INTS14: variants seen among roughly 807,000 people sequenced by gnomAD.
The protein encoded by INTS14 is integrator complex subunit 14, also known as UPF0464 protein C15orf44.
INTS14 carries 27 observed loss-of-function variants against 56.9 expected under a neutral mutation model. The observed-to-expected ratio is 0.47, with a 90% confidence interval of 0.35 to 0.65. The LOEUF (loss-of-function observed/expected upper bound fraction) is 0.65, where lower values mean the gene tolerates loss of function less well. Among genes scored for constraint, INTS14 ranks in the 30% least tolerant of loss-of-function variants. The probability of loss-of-function intolerance (pLI) is 0.00; values close to 1 mark genes in which losing one functional copy is unlikely to be tolerated. For missense variants in INTS14, 517 were observed against 632.2 expected, an observed-to-expected ratio of 0.82 and a Z score of 1.95; for synonymous variants, 207 against 236.2, an observed-to-expected ratio of 0.88 and a Z score of 1.13.
intron 10 of INTS14, among the ~76,000 whole-genome samples, chr15:65,584,338 T>C (rs555956490): frequency 6.6e-6 from 1 of 152,202 alleles, no homozygotes; most frequent in South Asian, 2.1e-4. Flanking sequence ...TTAAAGCCAA[T>C]ACCCATTATG....
intron 6 of INTS14, among the ~76,000 whole-genome samples, chr15:65,597,363 C>G (rs1288906817): frequency 1.3e-5 from 2 of 152,174 alleles, no homozygotes; most frequent in African/African-American, 4.8e-5. Flanking sequence ...TGCTGGACAT[C>G]AAGGCTGTAA....
At chr15:65,589,431 T>C (rs919563029) in intron 9 of INTS14, among the ~76,000 whole-genome samples, 1 of 152,200 alleles carries the variant, frequency 6.6e-6, no homozygotes, top group Admixed American at 6.5e-5. Context: ...GTACTGGGAT[T>C]ACAGGCATGA....
intron 3 of INTS14, among the ~76,000 whole-genome samples, chr15:65,600,561 CG>C (rs1422831928): frequency 6.6e-6 from 1 of 151,598 alleles, no homozygotes; most frequent in Non-Finnish European, 1.5e-5. Flanking sequence ...CCTGGGAAGT[CG>C]AGGCTACAGT....
intron 9 of INTS14, among the ~76,000 whole-genome samples, chr15:65,588,937 CATTATA>C (rs1377491577): frequency 6.6e-6 from 1 of 152,094 alleles, no homozygotes; most frequent in Admixed American, 6.6e-5. Flanking sequence ...AAGTTAAGTT[CATTATA>C]ATATTAGCTA....
At chr15:65,581,250 C>T (rs1238290271) in intron 11 of INTS14, among the ~76,000 whole-genome samples, 1 of 150,292 alleles carries the variant, frequency 6.7e-6, no homozygotes, top group East Asian at 1.9e-4. Context: ...CATGGTGGCA[C>T]ACACCTGTAA....
chr15:65,595,521 C>A (rs1325324449), intron 7 of INTS14, among the ~76,000 whole-genome samples: 1 of 152,216 alleles, frequency 6.6e-6, no homozygotes, highest in Non-Finnish European at 1.5e-5. Flanking sequence ...ATTCACAAAC[C>A]AACACACAGT....
At chr15:65,602,574 C>T (rs1429102833) in intron 3 of INTS14, among the ~76,000 whole-genome samples, 3 of 152,098 alleles carry the variant, frequency 2.0e-5, no homozygotes, top group East Asian at 1.9e-4. Context: ...CGTGAGCCGT[C>T]GCGCCTGGCC....
chr15:65,608,087 T>C (rs1165196812), intron 1 of INTS14, among the ~76,000 whole-genome samples: 1 of 152,138 alleles, frequency 6.6e-6, no homozygotes, highest in Non-Finnish European at 1.5e-5. Flanking sequence ...AATTAAAGAA[T>C]ATGTAAGGTC....
intron 10 of INTS14, among the ~76,000 whole-genome samples, chr15:65,583,521 G>A (rs2072704207): frequency 6.6e-6 from 1 of 152,148 alleles, no homozygotes; most frequent in African/African-American, 2.4e-5. Context: ...GGTTGCCAGG[G>A]CCCGGAAGAA....
chr15:65,608,566 T>C lies in INTS14; in HGVS notation c.-62-1124A>G, dbSNP rs2073740633. ...GGTATATAGCCTGCTGCTACTCTAT[T>C]ATTAAGCAAACTGTAGGCTACTGAC... On this transcript the variant is annotated intron_variant, in intron 1 of 11. Transcript: ENST00000313182. 2.6e-5 allele frequency among the ~76,000 whole-genome samples: 4 copies of C among 152,240 alleles called. No homozygotes were observed. The South Asian group carries it at 8.3e-4, about 32-fold the overall frequency.
rs1480083793 is a variant in INTS14, at chr15:65,599,003, A to G, written c.487-13T>C. ...CGGTGCTCTGGAGCTATAAAGCAAAACAGATGACCCTTAAAGTGGCTGGCA... is the reference window on the plus strand; with the variant it reads ...CGGTGCTCTGGAGCTATAAAGCAAAGCAGATGACCCTTAAAGTGGCTGGCA... On this transcript the variant is annotated splice_polypyrimidine_tract_variant and intron_variant, in intron 4 of 11. Coordinates refer to ENST00000313182, the MANE Select transcript of INTS14 (RefSeq NM_001394796.1). 6.2e-7 allele frequency: 1 copy of G among 1,603,536 alleles called. No individual in the cohort carries two copies. Among genetic ancestry groups the G allele is most frequent in the East Asian group, 2.2e-5 (1 of 44,732 alleles).
intron 8 of INTS14, 134 bp from the exon 9 acceptor site, chr15:65,591,865 G>T: frequency 1.1e-6 from 1 of 944,400 alleles, no homozygotes; most frequent in Non-Finnish European, 1.5e-6. Flanking sequence ...TTTTACCAAA[G>T]CCAAACCCTA....
rs979270260 is a variant in INTS14 at position 65,611,084 on chromosome 15, G to A, written c.-63+14C>T. On this transcript the variant is annotated intron_variant, in intron 1 of 11. Coordinates refer to ENST00000313182, the MANE Select transcript of INTS14 (RefSeq NM_001394796.1). Reference sequence around the variant, plus strand: ...AGCGAAAGGCAGTCCCGGGCCCTCGGCCTCCCCACTCACCCCGTGCCCATC... The same window carrying A: ...AGCGAAAGGCAGTCCCGGGCCCTCGACCTCCCCACTCACCCCGTGCCCATC... 6 of 1,535,704 alleles carry A rather than the reference G, an allele frequency of 3.9e-6. No individual in the cohort carries two copies. The highest frequency in any genetic ancestry group is 2.0e-5 in the Admixed American group (1 of 50,992).
intron 8 of INTS14, among the ~76,000 whole-genome samples, chr15:65,592,847 G>T (rs1197857533): frequency 6.6e-6 from 1 of 151,954 alleles, no homozygotes; most frequent in Non-Finnish European, 1.5e-5. Flanking sequence ...CAGAACCCAG[G>T]TATTCTAGAT....
chr15:65,604,401 C>G (rs1278163873), intron 3 of INTS14, among the ~76,000 whole-genome samples: 1 of 152,042 alleles, frequency 6.6e-6, no homozygotes, highest in African/African-American at 2.4e-5. Flanking sequence ...GTTTTATACT[C>G]CTCACTTTTT....
chr15:65,606,729 G>C (rs187456568), intron 2 of INTS14, among the ~76,000 whole-genome samples: 1 of 152,198 alleles, frequency 6.6e-6, no homozygotes, highest in East Asian at 1.9e-4. Context: ...TAATTTATTG[G>C]TATCAAAATC....
At chr15:65,605,898 G>T (rs188428711) in intron 2 of INTS14, among the ~76,000 whole-genome samples, 9 of 152,154 alleles carry the variant, frequency 5.9e-5, no homozygotes, top group Admixed American at 4.6e-4. Context: ...TACAGGAAAA[G>T]AAATTTAAAA....
chr15:65,602,795 G>C (rs1048269978), intron 3 of INTS14, among the ~76,000 whole-genome samples: 2 of 152,078 alleles, frequency 1.3e-5, no homozygotes, highest in African/African-American at 4.8e-5. Context: ...AGCCTCCTGA[G>C]TGGCTGGGAT....
intron 7 of INTS14, among the ~76,000 whole-genome samples, chr15:65,594,895 T>A (rs2073158958): frequency 6.6e-6 from 1 of 152,204 alleles, no homozygotes. Flanking sequence ...TTCAAGATTC[T>A]GTCTGTGAAC....
Sources: allele counts gnomAD v4.1 joint callset (sites outside exome capture counted in the v4.1 genomes callset), GRCh38; gene constraint gnomAD v4.1.1; transcripts MANE v1.5; gene names NCBI Gene and HGNC (gene_info 2026-07-23, HGNC 2026-07-21).